Variants in LRRTM4 observed in about 807,000 individuals in gnomAD.
LRRTM4 encodes the protein leucine rich repeat transmembrane neuronal 4, also known as leucine-rich repeat transmembrane neuronal protein 4.
LRRTM4 carries 25 observed loss-of-function variants against 47.6 expected under a neutral mutation model. The observed-to-expected ratio is 0.53, with a 90% CI of 0.38 to 0.73. LRRTM4 has a LOEUF of 0.73. Among genes scored for constraint, LRRTM4 ranks in the 30% least tolerant of loss-of-function variants. LRRTM4 has a pLI of 0.00. For synonymous variants in LRRTM4, 311 were observed against 269.5 expected (o/e 1.15, Z -1.51); for missense variants, 638 against 713.4 (o/e 0.89, Z 1.20).
At chr2:77,168,284 T>C (rs967339893) in intron 3 of LRRTM4, among the ~76,000 whole-genome samples, 2 of 152,096 alleles carry the variant, frequency 1.3e-5, no homozygotes, top group Admixed American at 6.6e-5. Context: ...TTTTCTAACA[T>C]ATTTTAGAAA....
At chr2:76,914,285 T>C (rs1031102023) in intron 3 of LRRTM4, among the ~76,000 whole-genome samples, 64 of 152,188 alleles carry the variant, frequency 4.2e-4, no homozygotes, top group Non-Finnish European at 7.1e-4. Context: ...ACTATGGCTA[T>C]GTCATTTTTA....
intron 3 of LRRTM4, among the ~76,000 whole-genome samples, chr2:77,290,044 T>A (rs1210602580): frequency 6.6e-6 from 1 of 151,902 alleles, no homozygotes; most frequent in African/African-American, 2.4e-5. Flanking sequence ...TTATAAGCAA[T>A]CAAATATTTT....
chr2:77,130,822 C>CTCTTTT (rs1221439109), intron 3 of LRRTM4, among the ~76,000 whole-genome samples: 1 of 52,032 alleles, frequency 1.9e-5, no homozygotes, highest in Non-Finnish European at 3.5e-5. Flanking sequence ...ATTATTTGTT[C>CTCTTTT]TATTTTTTTT....
chr2:76,942,349 T>C (rs1675174530), intron 3 of LRRTM4, among the ~76,000 whole-genome samples: 1 of 152,166 alleles, frequency 6.6e-6, no homozygotes, highest in Admixed American at 6.5e-5. Context: ...TTTGTTGCAA[T>C]TGATTTTGGT....
chr2:77,271,780 T>C (rs913889056), intron 3 of LRRTM4, among the ~76,000 whole-genome samples: 3 of 152,208 alleles, frequency 2.0e-5, no homozygotes, highest in African/African-American at 7.2e-5. Flanking sequence ...ATGGCCAAAT[T>C]CCTTATCAGA....
At chr2:77,378,556 C>T (rs941878756) in intron 3 of LRRTM4, among the ~76,000 whole-genome samples, 12 of 151,964 alleles carry the variant, frequency 7.9e-5, no homozygotes, top group Admixed American at 1.3e-4. Context: ...TATTTGTATC[C>T]TGGGACCTAA....
intron 3 of LRRTM4, among the ~76,000 whole-genome samples, chr2:76,794,899 G>C (rs1165229320): frequency 6.6e-6 from 1 of 152,032 alleles, no homozygotes. Context: ...CACAGTTGTA[G>C]AAAAATTAAG....
chr2:76,952,827 C>A (rs1284098487), intron 3 of LRRTM4, among the ~76,000 whole-genome samples: 1 of 151,840 alleles, frequency 6.6e-6, no homozygotes, highest in African/African-American at 2.4e-5. Flanking sequence ...GTGTGGTACA[C>A]ATACACTACA....
At chr2:77,478,904 C>CT (rs369293673) in intron 3 of LRRTM4, among the ~76,000 whole-genome samples, 37 of 151,962 alleles carry the variant, frequency 2.4e-4, no homozygotes, top group African/African-American at 6.0e-4. Context: ...TTCTTTCTTT[C>CT]TTTTTTTTGA....
intron 3 of LRRTM4, among the ~76,000 whole-genome samples, chr2:77,425,713 T>A (rs1346284237): frequency 6.6e-6 from 1 of 152,210 alleles, no homozygotes. Context: ...CTTGACAAAG[T>A]CTTTTGGATA....
intron 3 of LRRTM4, among the ~76,000 whole-genome samples, chr2:77,262,320 T>A (rs1163530533): frequency 1.3e-5 from 2 of 151,866 alleles, no homozygotes; most frequent in Non-Finnish European, 2.9e-5. Context: ...CATAGAAAAA[T>A]TGTCTTCCAC....
At chr2:76,861,378 A>AT (rs544848840) in intron 3 of LRRTM4, among the ~76,000 whole-genome samples, 6 of 151,800 alleles carry the variant, frequency 4.0e-5, no homozygotes, top group South Asian at 2.1e-4. Flanking sequence ...AATTGATTTG[A>AT]TTTTTTTTCC....
At chr2:77,030,098 G>A (rs1016517573) in intron 3 of LRRTM4, among the ~76,000 whole-genome samples, 1 of 152,230 alleles carries the variant, frequency 6.6e-6, no homozygotes, top group East Asian at 1.9e-4. Flanking sequence ...TTTTACACAA[G>A]TTCCAATTAT....
intron 3 of LRRTM4, among the ~76,000 whole-genome samples, chr2:77,496,098 G>A (rs1250763417): frequency 1.3e-5 from 2 of 151,734 alleles, no homozygotes; most frequent in African/African-American, 4.8e-5. Context: ...TTATCCCTAA[G>A]TACTTCATAT....
At chr2:77,410,800 C>T (rs1048951100) in intron 3 of LRRTM4, among the ~76,000 whole-genome samples, 1 of 152,156 alleles carries the variant, frequency 6.6e-6, no homozygotes, top group African/African-American at 2.4e-5. Flanking sequence ...GCACATCAGT[C>T]TCTGGAGGAT....
At chr2:76,881,982 A>G (rs996308640) in intron 3 of LRRTM4, among the ~76,000 whole-genome samples, 4 of 152,190 alleles carry the variant, frequency 2.6e-5, no homozygotes, top group African/African-American at 9.6e-5. Context: ...CATTAAATCC[A>G]TATATATCCA....
At chr2:76,916,406 A>AAAAAAAAAAAAAAAAAAAG in intron 3 of LRRTM4, among the ~76,000 whole-genome samples, 2 of 146,738 alleles carry the variant, frequency 1.4e-5, no homozygotes, top group African/African-American at 5.2e-5. Context: ...AAAAAAAAAA[A>AAAAAAAAAAAAAAAAAAAG]AGAAAAGAAA....
chr2:77,277,302 A>G (rs1382487098), intron 3 of LRRTM4, among the ~76,000 whole-genome samples: 3 of 150,236 alleles, frequency 2.0e-5, no homozygotes, highest in African/African-American at 7.6e-5. Flanking sequence ...ACTTTGTTTT[A>G]GTTCAGTATA....
chr2:76,908,677 C>G (rs929487107), intron 3 of LRRTM4, among the ~76,000 whole-genome samples: 2 of 152,150 alleles, frequency 1.3e-5, no homozygotes, highest in Non-Finnish European at 2.9e-5. Flanking sequence ...ACAAAAATCA[C>G]AAGCATTCTT....
Sources: allele counts gnomAD v4.1 joint callset (sites outside exome capture counted in the v4.1 genomes callset), GRCh38; gene constraint gnomAD v4.1.1; transcripts MANE v1.5; gene names NCBI Gene and HGNC (gene_info 2026-07-23, HGNC 2026-07-21).